The following TECTA variants were observed in gnomAD, a reference collection of about 807,000 sequenced individuals.
TECTA encodes the protein tectorin alpha.
In TECTA, 128 loss-of-function variants were observed where a neutral mutation model predicts 216.8. The observed-to-expected ratio is 0.59, with a 90% CI of 0.51 to 0.68. The LOEUF is 0.68. Ranked by LOEUF, TECTA falls within the 30% of genes least tolerant of loss-of-function variation. The pLI, the probability that TECTA is intolerant of heterozygous loss-of-function variation, is 0.00. For missense variants in TECTA, 2,551 were observed against 2,786.2 expected, an observed-to-expected ratio of 0.92 and a Z score of 1.90; for synonymous variants, 1,089 against 1,117.1, an observed-to-expected ratio of 0.97 and a Z score of 0.50.
chr11:121,136,673 A>C (rs1268491260), intron 10 of TECTA, among the ~76,000 whole-genome samples: 1 of 152,130 alleles, frequency 6.6e-6, no homozygotes, highest in Non-Finnish European at 1.5e-5. Flanking sequence ...GAAGCTCTGA[A>C]GACATGAAAT....
chr11:121,128,406 C>T (rs1946638478), intron 9 of TECTA, 62 bp downstream of exon 9: 2 of 1,526,004 alleles, frequency 1.3e-6, no homozygotes, highest in African/African-American at 1.4e-5. Context: ...AGGAGCTCGC[C>T]ATCCTCTTCA....
chr11:121,180,597 A>G (rs1947216978), intron 20 of TECTA, among the ~76,000 whole-genome samples: 3 of 152,050 alleles, frequency 2.0e-5, no homozygotes, highest in South Asian at 4.2e-4. Flanking sequence ...GGAGAAGACA[A>G]TTTTTCGGTT....
intron 23 of TECTA, 187 bp downstream of exon 23, chr11:121,190,067 A>G (rs1456350840): frequency 1.7e-6 from 1 of 603,744 alleles, no homozygotes; most frequent in Non-Finnish European, 2.9e-6. Flanking sequence ...CAAACAAACA[A>G]CAACAACAAA....
intron 14 of TECTA, among the ~76,000 whole-genome samples, chr11:121,159,912 C>CT: frequency 6.6e-6 from 1 of 152,210 alleles, no homozygotes; most frequent in East Asian, 1.9e-4. Context: ...AGCAAATCTG[C>CT]TTGCTGCCTG....
At position 121,167,376 on chromosome 11, in the gene TECTA, G is replaced by T. The variant is rs533476513; in HGVS notation, c.5586+596G>T. Among the ~76,000 whole-genome samples the T allele has an allele frequency of 1.3e-3, 197 of 152,316 alleles. 1 individual carries two copies. Among genetic ancestry groups the T allele is most frequent in the African/African-American group, 4.7e-3 (194 of 41,560 alleles). ...AAGCCCAGGAGTTCAAGGCTGCAGT[G>T]AGCTATGAATGTACCACGGCACTCC... is the stretch of plus-strand genomic sequence containing the variant. On this transcript the variant is annotated intron_variant, in intron 18 of 23. Coordinates refer to ENST00000392793, the MANE Select transcript of TECTA (RefSeq NM_005422.4).
intron 6 of TECTA, among the ~76,000 whole-genome samples, chr11:121,116,858 A>G (rs1189011988): frequency 6.6e-6 from 1 of 152,234 alleles, no homozygotes; most frequent in Non-Finnish European, 1.5e-5. Context: ...ACAGCCCTGA[A>G]CTAGTGCCAA....
chr11:121,143,625 G>T (rs1946805261), intron 11 of TECTA, among the ~76,000 whole-genome samples: 1 of 152,260 alleles, frequency 6.6e-6, no homozygotes, highest in South Asian at 2.1e-4. Context: ...CCAGCCTTTA[G>T]CACAGTGCCT....
intron 7 of TECTA, among the ~76,000 whole-genome samples, chr11:121,121,430 C>T (rs554338748): frequency 4.6e-5 from 7 of 152,314 alleles, no homozygotes; most frequent in African/African-American, 1.2e-4. Context: ...CAGCTGTCTG[C>T]TAACCATAGG....
chr11:121,128,658 T>C (rs576221512), intron 9 of TECTA, among the ~76,000 whole-genome samples: 5 of 152,344 alleles, frequency 3.3e-5, no homozygotes, highest in Admixed American at 3.3e-4. Flanking sequence ...CTTCATCTTA[T>C]GATCCTCATT....
chr11:121,126,392 T>G (rs764695257), intron 8 of TECTA, among the ~76,000 whole-genome samples: 1 of 152,202 alleles, frequency 6.6e-6, no homozygotes, highest in Non-Finnish European at 1.5e-5. Context: ...CCCTTTTTCT[T>G]AAATATTAGG....
intron 10 of TECTA, among the ~76,000 whole-genome samples, chr11:121,132,297 A>G (rs951399994): frequency 6.6e-6 from 1 of 152,200 alleles, no homozygotes; most frequent in African/African-American, 2.4e-5. Context: ...TTTTATGCTC[A>G]AATTGTTCCA....
intron 6 of TECTA, among the ~76,000 whole-genome samples, chr11:121,116,334 G>A (rs191700326): frequency 2.0e-5 from 3 of 152,318 alleles, no homozygotes; most frequent in East Asian, 3.9e-4. Flanking sequence ...AGAAGTTGCA[G>A]ACTCTTACCC....
In TECTA at chr11:121,113,525, A is replaced by C; in HGVS notation, c.625-28A>C. ...AACCCATGGGGAATTTTTGTACTCA[A>C]AAATCTTGTCTTCCTTTTGTGCTGC... is the stretch of plus-strand genomic sequence containing the variant. On this transcript the variant is annotated intron_variant, in intron 5 of 23. Transcript: ENST00000392793. This position sits in a 1 kb window ranked among gnomAD's most constrained non-coding sequence, Gnocchi z 4.2. 27 of 1,614,022 alleles carry C rather than the reference A, an allele frequency of 1.7e-5. No individual in the cohort carries two copies. The highest frequency in any genetic ancestry group is 2.3e-5 in the Non-Finnish European group (27 of 1,180,004).
At chr11:121,115,367 A>T (rs777784489) in intron 6 of TECTA, among the ~76,000 whole-genome samples, 5 of 152,352 alleles carry the variant, frequency 3.3e-5, no homozygotes, top group Admixed American at 1.3e-4. Flanking sequence ...GGTGCTGGAG[A>T]TAAAGCTGCT....
chr11:121,151,335 A>G (rs1946887570), intron 12 of TECTA, among the ~76,000 whole-genome samples: 1 of 152,242 alleles, frequency 6.6e-6, no homozygotes, highest in Non-Finnish European at 1.5e-5. Context: ...TCATGAGGGC[A>G]AAGGTATACA....
At chr11:121,149,067 C>T (rs1946866179) in intron 12 of TECTA, among the ~76,000 whole-genome samples, 1 of 152,218 alleles carries the variant, frequency 6.6e-6, no homozygotes, top group Non-Finnish European at 1.5e-5. Context: ...TCTGGGGACT[C>T]ATGCATTTAC....
chr11:121,157,925 T>G lies in TECTA; in HGVS notation c.4390T>G (p.Cys1464Gly). 2 of 1,614,190 alleles carry G rather than the reference T, an allele frequency of 1.2e-6. No individual in the cohort carries two copies. The highest frequency in any genetic ancestry group is 8.5e-7 in the Non-Finnish European group (1 of 1,180,038). Residue 1464 changes from cysteine (C) to glycine (G), a missense_variant, in exon 14 of 24, where the codon TGC (cysteine) becomes GGC (glycine). Physicochemically the swap from Cys to Gly is radical, Grantham distance 159. Around this residue, in one of 3 missense-constraint regions of TECTA, gnomAD observed 2,375 missense variants for 2,563.9 expected, o/e 0.93. Coordinates refer to ENST00000392793, the MANE Select transcript of TECTA (RefSeq NM_005422.4). ...RNVIQCDPRQ[C>G]KSDEECALRN... ...CGTGATTCAGTGCGACCCGCGCCAATGCAAGTCAGACGAGGAGTGTGCGCT... is the reference window on the plus strand; with the variant it reads ...CGTGATTCAGTGCGACCCGCGCCAAGGCAAGTCAGACGAGGAGTGTGCGCT...
intron 1 of TECTA, among the ~76,000 whole-genome samples, chr11:121,101,892 A>T (rs1345891912): frequency 6.6e-6 from 1 of 152,242 alleles, no homozygotes; most frequent in Admixed American, 6.5e-5. Context: ...GATGGAGGGT[A>T]AAGCCACCAT....
chr11:121,120,587 C>G (rs969699735), intron 7 of TECTA, among the ~76,000 whole-genome samples: 4 of 152,134 alleles, frequency 2.6e-5, no homozygotes, highest in Non-Finnish European at 5.9e-5. Context: ...AAACACAGAC[C>G]CCCCTTCTCC....
Sources: allele counts gnomAD v4.1 joint callset (sites outside exome capture counted in the v4.1 genomes callset), GRCh38; gene constraint gnomAD v4.1.1; regional missense constraint gnomAD v4.1.1; non-coding constraint Gnocchi (gnomAD v3.1); transcripts MANE v1.5; gene names NCBI Gene and HGNC (gene_info 2026-07-23, HGNC 2026-07-21).